The following SMG6 variants were observed in gnomAD, a reference collection of about 807,000 sequenced individuals.
SMG6 encodes telomerase-binding protein EST1A.
Under a neutral mutation model 142.2 loss-of-function variants are expected in SMG6, and 66 were observed. The ratio of observed to expected loss-of-function variants is 0.46; its 90% confidence interval spans 0.38 to 0.57. SMG6 has a LOEUF of 0.57. Among genes scored for constraint, SMG6 ranks in the 20% least tolerant of loss-of-function variants. The pLI is 0.00. For missense variants in SMG6, 1,793 were observed against 1,832.0 expected, an observed-to-expected ratio of 0.98 and a Z score of 0.39; for synonymous variants, 779 against 702.4, an observed-to-expected ratio of 1.11 and a Z score of -1.72.
At chr17:2,279,642 G>C (rs995499001) in intron 8 of SMG6, among the ~76,000 whole-genome samples, 2 of 152,140 alleles carry the variant, frequency 1.3e-5, no homozygotes, top group African/African-American at 4.8e-5. Context: ...GAAGTGGATG[G>C]CTTCAAGTTA....
At chr17:2,172,536 C>T (rs2071536629) in intron 13 of SMG6, 122 bp downstream of exon 13, 6 of 1,063,420 alleles carry the variant, frequency 5.6e-6, no homozygotes, top group Non-Finnish European at 8.3e-6. Context: ...GATATTTTCC[C>T]TTAACACCCT....
chr17:2,250,127 G>C (rs2074014314), intron 8 of SMG6, among the ~76,000 whole-genome samples: 1 of 152,186 alleles, frequency 6.6e-6, no homozygotes, highest in African/African-American at 2.4e-5. Flanking sequence ...CTTGGTGACT[G>C]TGGAGCAAGG....
intron 13 of SMG6, among the ~76,000 whole-genome samples, chr17:2,147,542 G>A (rs144215211): frequency 3.0e-4 from 46 of 152,100 alleles, no homozygotes; most frequent in African/African-American, 9.6e-4. Flanking sequence ...TTCAAGTCCC[G>A]CCTGGGCAAC....
At chr17:2,142,858 AG>A (rs1478892063) in intron 13 of SMG6, among the ~76,000 whole-genome samples, 1 of 144,790 alleles carries the variant, frequency 6.9e-6, no homozygotes, top group Non-Finnish European at 1.5e-5. Flanking sequence ...ATTGCACTCC[AG>A]CCTGGGCAAC....
intron 13 of SMG6, among the ~76,000 whole-genome samples, chr17:2,091,528 G>A (rs1567590206): frequency 6.6e-6 from 1 of 152,068 alleles, no homozygotes; most frequent in Non-Finnish European, 1.5e-5. Context: ...ACACATCCTT[G>A]GACCAGATGC....
chr17:2,065,408 C>T, intron 17 of SMG6, 60 bp downstream of exon 17: 1 of 1,535,932 alleles, frequency 6.5e-7, no homozygotes, highest in Non-Finnish European at 8.9e-7. Flanking sequence ...GCCCTTCCTT[C>T]CTGGAGACCT....
intron 9 of SMG6, among the ~76,000 whole-genome samples, chr17:2,243,625 G>C (rs2073862910): frequency 6.6e-6 from 1 of 152,170 alleles, no homozygotes; most frequent in Non-Finnish European, 1.5e-5. Flanking sequence ...AGGTTGCAGA[G>C]AGTCGAGTCA....
At chr17:2,247,980 C>T (rs1316948247) in intron 8 of SMG6, among the ~76,000 whole-genome samples, 1 of 151,926 alleles carries the variant, frequency 6.6e-6, no homozygotes, top group East Asian at 1.9e-4. Context: ...GTGGCACGCA[C>T]CTGTAGTCCC....
intron 1 of SMG6, 28 bp downstream of exon 1, chr17:2,303,604 CG>C: frequency 7.1e-7 from 1 of 1,414,570 alleles, no homozygotes; most frequent in Non-Finnish European, 9.2e-7. Context: ...CGGGCAGGCC[CG>C]GCCCAGGAGC....
At chr17:2,221,955 G>C (rs1011201386) in intron 10 of SMG6, among the ~76,000 whole-genome samples, 2 of 152,188 alleles carry the variant, frequency 1.3e-5, no homozygotes, top group Admixed American at 1.3e-4. Context: ...GGCTGGTCTT[G>C]AATTCCTGAG....
At chr17:2,211,657 C>A (rs2072867178) in intron 10 of SMG6, among the ~76,000 whole-genome samples, 1 of 119,656 alleles carries the variant, frequency 8.4e-6, no homozygotes. Flanking sequence ...GAGCGAGACT[C>A]CATCTAATTA....
intron 13 of SMG6, among the ~76,000 whole-genome samples, chr17:2,093,965 C>T (rs1486751533): frequency 6.6e-6 from 1 of 152,024 alleles, no homozygotes; most frequent in Non-Finnish European, 1.5e-5. Context: ...ACTGGGCTGG[C>T]CAAGCAGGGG....
chr17:2,279,627 G>A (rs1347061067), intron 8 of SMG6, among the ~76,000 whole-genome samples: 1 of 152,190 alleles, frequency 6.6e-6, no homozygotes, highest in African/African-American at 2.4e-5. Context: ...CAATGAGAAA[G>A]GAGAGAAGTG....
At chr17:2,145,907 T>C (rs193096223) in intron 13 of SMG6, among the ~76,000 whole-genome samples, 82 of 152,200 alleles carry the variant, frequency 5.4e-4, no homozygotes, top group Middle Eastern at 3.4e-3. Flanking sequence ...CCTGAGTAGA[T>C]GAATGATGCT....
chr17:2,095,909 G>A (rs1051455258), intron 13 of SMG6, among the ~76,000 whole-genome samples: 1 of 119,304 alleles, frequency 8.4e-6, no homozygotes, highest in African/African-American at 3.2e-5. Flanking sequence ...GGAACTTCAA[G>A]CCCCAGGCAA....
At chr17:2,098,890 CA>C (rs1215410027) in intron 13 of SMG6, among the ~76,000 whole-genome samples, 1 of 152,214 alleles carries the variant, frequency 6.6e-6, no homozygotes, top group African/African-American at 2.4e-5. Context: ...CTCAGCCTCC[CA>C]AAGGGCTGGA....
rs1376817153 is a variant in SMG6 at position 2,297,844 on chromosome 17, C to T, written c.2040+19G>A. 4 of 1,603,684 alleles carry T rather than the reference C, an allele frequency of 2.5e-6. No individual in the cohort carries two copies. The African/African-American group carries it at 4.0e-5, about 16-fold the overall frequency. ...AATGCTGAAGCCTTTATCCTGAGGA[C>T]AAAAAGATGACAGTTTACCTCATCC... On this transcript the variant is annotated intron_variant, in intron 3 of 18. Coordinates refer to ENST00000263073, the MANE Select transcript of SMG6 (RefSeq NM_017575.5).
chr17:2,244,743 G>A, intron 8 of SMG6, 24 bp from the exon 9 acceptor site: 1 of 1,600,100 alleles, frequency 6.2e-7, no homozygotes, highest in Non-Finnish European at 8.6e-7. Flanking sequence ...AGGGAGAGGA[G>A]AAAACAATTA....
intron 10 of SMG6, among the ~76,000 whole-genome samples, chr17:2,226,572 C>T (rs1459636575): frequency 1.3e-5 from 2 of 151,156 alleles, no homozygotes; most frequent in Non-Finnish European, 1.5e-5. Context: ...GTACGAGACT[C>T]TGTCTTAAAA....
Sources: gnomAD v4.1 joint callset for allele counts (sites outside exome capture counted in the v4.1 genomes callset) on GRCh38, gnomAD v4.1.1 for gene constraint, MANE v1.5 for transcripts, NCBI Gene and HGNC (gene_info 2026-07-23, HGNC 2026-07-21) for gene names.